Variants in DPP6 observed in about 807,000 individuals in gnomAD.
The protein encoded by DPP6 is dipeptidyl peptidase like 6.
Under a neutral mutation model 122.6 loss-of-function variants are expected in DPP6, and 69 were observed. The ratio of observed to expected loss-of-function variants is 0.56; its 90% CI spans 0.46 to 0.69. The LOEUF (loss-of-function observed/expected upper bound fraction) is 0.69, where lower values mean the gene tolerates loss of function less well. Ranked by LOEUF, DPP6 falls within the 30% of genes least tolerant of loss-of-function variation. The probability of loss-of-function intolerance (pLI) is 0.00; values close to 1 mark genes in which losing one functional copy is unlikely to be tolerated. For synonymous variants in DPP6, 418 were observed against 433.1 expected (o/e 0.97, Z 0.43); for missense variants, 928 against 1,116.9 (o/e 0.83, Z 2.41).
chr7:154,748,804 G>A (rs1039114866), intron 8 of DPP6, among the ~76,000 whole-genome samples: 5 of 152,198 alleles, frequency 3.3e-5, no homozygotes, highest in East Asian at 1.9e-4. Context: ...GACTCCCACC[G>A]AGGCCTTGTC....
chr7:154,716,212 T>G (rs1208847470), intron 7 of DPP6, among the ~76,000 whole-genome samples: 1 of 152,124 alleles, frequency 6.6e-6, no homozygotes, highest in East Asian at 1.9e-4. Flanking sequence ...TTCTATGACT[T>G]TGCTTTCCAA....
At chr7:154,396,922 G>A (rs1815139232) in intron 1 of DPP6, among the ~76,000 whole-genome samples, 1 of 152,164 alleles carries the variant, frequency 6.6e-6, no homozygotes, top group Admixed American at 6.5e-5. Context: ...TCCAGCCTGG[G>A]CGACAGAGCA....
chr7:154,286,628 G>C (rs1804867365), intron 1 of DPP6, among the ~76,000 whole-genome samples: 1 of 152,026 alleles, frequency 6.6e-6, no homozygotes, highest in Non-Finnish European at 1.5e-5. Context: ...CAGACATCAG[G>C]TGGCTCCATT....
At chr7:154,592,266 C>T (rs1274136692) in intron 5 of DPP6, among the ~76,000 whole-genome samples, 1 of 152,180 alleles carries the variant, frequency 6.6e-6, no homozygotes, top group Admixed American at 6.5e-5. Context: ...CTTATCTTGA[C>T]TCAGGGAGAG....
chr7:153,748,192 G>A, the DPP6 span, among the ~76,000 whole-genome samples: 4 of 152,200 alleles, frequency 2.6e-5, no homozygotes, highest in African/African-American at 4.8e-5. Flanking sequence ...CCCGGGTGCC[G>A]TCCCAGCTCC....
At chr7:154,574,636 T>A (rs1430714908) in intron 5 of DPP6, among the ~76,000 whole-genome samples, 3,735 of 140,622 alleles carry the variant, frequency 0.027, 149 homozygotes, top group East Asian at 0.097. Context: ...GGTGTGTGTG[T>A]GTGGTGTGTG....
At chr7:153,800,741 T>G in the DPP6 span, among the ~76,000 whole-genome samples, 7 of 151,924 alleles carry the variant, frequency 4.6e-5, no homozygotes, top group African/African-American at 1.7e-4. Flanking sequence ...GGTCTTGAAC[T>G]CCTGACCTCA....
At chr7:154,533,912 T>A (rs1828038579) in intron 3 of DPP6, among the ~76,000 whole-genome samples, 3 of 151,942 alleles carry the variant, frequency 2.0e-5, no homozygotes, top group Admixed American at 2.0e-4. Flanking sequence ...TTGGGAGGAT[T>A]TCTTGGGTCC....
intron 1 of DPP6, among the ~76,000 whole-genome samples, chr7:154,123,938 G>T (rs1210585065): frequency 3.9e-5 from 6 of 151,994 alleles, no homozygotes; most frequent in African/African-American, 1.2e-4. Flanking sequence ...CCATGCCGGG[G>T]CTTACCTGGG....
chr7:154,803,179 C>T (rs1587190998), intron 13 of DPP6, among the ~76,000 whole-genome samples: 1 of 152,244 alleles, frequency 6.6e-6, no homozygotes, highest in Non-Finnish European at 1.5e-5. Flanking sequence ...TCCACCTGCT[C>T]TGCGCCCACC....
chr7:153,891,141 C>G (rs990415020), intron 1 of DPP6, among the ~76,000 whole-genome samples: 2 of 151,058 alleles, frequency 1.3e-5, no homozygotes, highest in Admixed American at 1.3e-4. Context: ...CCTGCCTCAG[C>G]CTCCCCAGTA....
At chr7:154,209,738 C>A (rs1312402326) in intron 1 of DPP6, among the ~76,000 whole-genome samples, 1 of 152,110 alleles carries the variant, frequency 6.6e-6, no homozygotes, top group East Asian at 1.9e-4. Context: ...CTGTGAAAAG[C>A]CAGGTCAGGA....
At chr7:154,578,444 T>C (rs942467993) in intron 5 of DPP6, among the ~76,000 whole-genome samples, 7 of 152,008 alleles carry the variant, frequency 4.6e-5, no homozygotes, top group African/African-American at 1.7e-4. Flanking sequence ...GTTTGAGCAT[T>C]GAGAGAACCT....
intron 1 of DPP6, among the ~76,000 whole-genome samples, chr7:154,231,694 G>A (rs1800926928): frequency 6.6e-6 from 1 of 152,130 alleles, no homozygotes; most frequent in Non-Finnish European, 1.5e-5. Flanking sequence ...CTGCAGTGAA[G>A]ACTACCTGTT....
At chr7:154,273,603 A>T (rs1489011666) in intron 1 of DPP6, among the ~76,000 whole-genome samples, 1 of 152,224 alleles carries the variant, frequency 6.6e-6, no homozygotes, top group African/African-American at 2.4e-5. Flanking sequence ...AGAGAAAACA[A>T]TTCACGTTCT....
chr7:154,415,524 A>G (rs781324956), intron 1 of DPP6, among the ~76,000 whole-genome samples: 1 of 152,034 alleles, frequency 6.6e-6, no homozygotes, highest in African/African-American at 2.4e-5. Flanking sequence ...TCTGCGGTAC[A>G]AGTGGCTATG....
the DPP6 span, among the ~76,000 whole-genome samples, chr7:153,795,544 G>T: frequency 6.6e-6 from 1 of 152,008 alleles, no homozygotes; most frequent in Non-Finnish European, 1.5e-5. Flanking sequence ...TCTTCTCAAA[G>T]AACTAGCTTT....
chr7:154,740,004 G>C (rs1842744993), intron 8 of DPP6, among the ~76,000 whole-genome samples: 1 of 152,212 alleles, frequency 6.6e-6, no homozygotes, highest in Admixed American at 6.5e-5. Context: ...AACATGAAGA[G>C]GTGATCTAGC....
chr7:154,585,529 A>C (rs1039190477), intron 5 of DPP6, among the ~76,000 whole-genome samples: 3 of 152,160 alleles, frequency 2.0e-5, no homozygotes, highest in Non-Finnish European at 4.4e-5. Flanking sequence ...ACCCCTGGGG[A>C]GTGGTTACCA....
Sources: gnomAD v4.1 joint callset for allele counts (sites outside exome capture counted in the v4.1 genomes callset) on GRCh38, gnomAD v4.1.1 for gene constraint, MANE v1.5 for transcripts, NCBI Gene and HGNC (gene_info 2026-07-23, HGNC 2026-07-21) for gene names.